BAHCC1: variants seen among roughly 807,000 people sequenced by gnomAD.
BAHCC1 encodes the protein BAH and coiled-coil domain-containing protein 1.
In BAHCC1, 43 loss-of-function variants were observed where a neutral mutation model predicts 88.2. That is an observed-to-expected ratio of 0.49 (90% CI 0.38 to 0.63). The LOEUF (loss-of-function observed/expected upper bound fraction) is 0.63, where lower values mean the gene tolerates loss of function less well. Ranked by LOEUF, BAHCC1 falls within the 20% of genes least tolerant of loss-of-function variation. BAHCC1 has a pLI of 0.00. For synonymous variants in BAHCC1, 1,510 were observed against 745.5 expected, an observed-to-expected ratio of 2.03 and a Z score of -16.71; for missense variants, 3,023 against 1,654.8, an observed-to-expected ratio of 1.83 and a Z score of -14.34.
chr17:81,424,417 C>T (rs1484896881), intron 2 of BAHCC1, among the ~76,000 whole-genome samples: 1 of 152,220 alleles, frequency 6.6e-6, no homozygotes, highest in Non-Finnish European at 1.5e-5. Context: ...TCAGGGTGCT[C>T]TCCCTGTGAA....
At chr17:81,432,895 TCCCCAGGCCCACCCTTCCCCCC>T (rs2064284369) in intron 3 of BAHCC1, among the ~76,000 whole-genome samples, 1 of 9,304 alleles carries the variant, frequency 1.1e-4, no homozygotes, top group African/African-American at 8.1e-4. Flanking sequence ...TCCCCCCCCA[TCCCCAGGCCCACCCTTCCCCCC>T]ATCCCCAGGA....
chr17:81,420,025 T>A (rs1424912375), intron 2 of BAHCC1, among the ~76,000 whole-genome samples: 23 of 152,004 alleles, frequency 1.5e-4, no homozygotes, highest in Non-Finnish European at 1.5e-5. Flanking sequence ...CACCTGGCCA[T>A]CCGATTGCCC....
At chr17:81,405,374 C>G (rs192389194) in intron 2 of BAHCC1, among the ~76,000 whole-genome samples, 3 of 152,270 alleles carry the variant, frequency 2.0e-5, no homozygotes, top group Non-Finnish European at 2.9e-5. Context: ...CCTCTGGTGT[C>G]TTTTGAGGCA....
intron 1 of BAHCC1, chr17:81,396,138 C>T (rs1422833975): frequency 1.3e-5 from 2 of 152,288 alleles, no homozygotes; most frequent in African/African-American, 4.8e-5. Context: ...CTGGGTTGGC[C>T]CTGCCCGGTC....
At chr17:81,452,553 G>T (rs1191744680) in intron 13 of BAHCC1, among the ~76,000 whole-genome samples, 170 bp from the exon 14 acceptor site, 1 of 152,050 alleles carries the variant, frequency 6.6e-6, no homozygotes, top group Non-Finnish European at 1.5e-5. Context: ...GGCGGCGGGG[G>T]CCCCTGGCTG....
chr17:81,418,414 C>G (rs1032777232), intron 2 of BAHCC1, among the ~76,000 whole-genome samples: 3 of 152,152 alleles, frequency 2.0e-5, no homozygotes, highest in African/African-American at 4.8e-5. Context: ...CCCCAGGAGA[C>G]GCAGCTCAGA....
rs944741353 is a variant in BAHCC1 at position 81,443,532 on chromosome 17, C to T, written c.2183C>T (p.Ala728Val). 5.1e-5 allele frequency: 34 copies of T among 662,516 alleles called. No homozygotes were observed. The highest frequency in any genetic ancestry group is 7.7e-5 in the Non-Finnish European group (28 of 361,528). 41.0% of individuals were successfully genotyped at this position (662,516 alleles called of 1,614,324 possible). ...RSEAAYGTNT[A>V]RQGRAAPAFK... ...GAGGCAGCCTACGGCACCAACACTG[C>T]GCGGCAGGGCCGGGCCGCCCCCGCC... Residue 728 changes from alanine (A) to valine (V), a missense_variant, in exon 5 of 28, where the codon GCG (alanine) becomes GTG (valine). By Grantham distance (64) the Ala-to-Val change is moderately conservative. Coordinates refer to ENST00000675386, the MANE Select transcript of BAHCC1 (RefSeq NM_001377448.1).
At chr17:81,408,099 C>G (rs2063903600) in intron 2 of BAHCC1, among the ~76,000 whole-genome samples, 1 of 152,230 alleles carries the variant, frequency 6.6e-6, no homozygotes, top group South Asian at 2.1e-4. Context: ...TCCTGCTGCC[C>G]CTGTGTGGCT....
chr17:81,420,465 C>T (rs1287140808), intron 2 of BAHCC1, among the ~76,000 whole-genome samples: 1 of 152,260 alleles, frequency 6.6e-6, no homozygotes, highest in Non-Finnish European at 1.5e-5. Flanking sequence ...CACAGCCTGC[C>T]TCCTGGTCTA....
intron 2 of BAHCC1, among the ~76,000 whole-genome samples, chr17:81,415,889 T>G (rs1371035360): frequency 1.3e-5 from 2 of 152,244 alleles, no homozygotes; most frequent in Non-Finnish European, 2.9e-5. Context: ...CGGCCCAGGA[T>G]GGCTGTGGGC....
chr17:81,454,710 G>A (rs914852203), intron 14 of BAHCC1, among the ~76,000 whole-genome samples: 15 of 152,312 alleles, frequency 9.8e-5, no homozygotes, highest in African/African-American at 3.1e-4. Context: ...GCCAAGGGCC[G>A]GGCCCGGCCT....
intron 10 of BAHCC1, among the ~76,000 whole-genome samples, chr17:81,446,527 T>TCACACC (rs2064531418): frequency 4.4e-5 from 1 of 22,916 alleles, no homozygotes; most frequent in Admixed American, 5.5e-4. Flanking sequence ...TGCTCACACC[T>TCACACC]TTTTTTTTTT....
At chr17:81,420,833 G>T (rs2143353353) in intron 2 of BAHCC1, among the ~76,000 whole-genome samples, 1 of 152,388 alleles carries the variant, frequency 6.6e-6, no homozygotes, top group South Asian at 2.1e-4. Context: ...GCTGCCTCCT[G>T]TGATGAGAGC....
chr17:81,415,777 C>G (rs2064012764), intron 2 of BAHCC1, among the ~76,000 whole-genome samples: 1 of 152,242 alleles, frequency 6.6e-6, no homozygotes, highest in Admixed American at 6.5e-5. Flanking sequence ...TGACCTACCC[C>G]CCAGCCCTGC....
chr17:81,409,253 G>A (rs782031004), intron 2 of BAHCC1, among the ~76,000 whole-genome samples: 1 of 152,224 alleles, frequency 6.6e-6, no homozygotes, highest in African/African-American at 2.4e-5. Context: ...GGCTGTGTGC[G>A]CTACACCTTA....
In BAHCC1 at chr17:81,447,213, T is replaced by C. The variant is rs782204158; in HGVS notation, c.3341T>C (p.Leu1114Pro). 2.7e-6 allele frequency: 2 copies of C among 753,274 alleles called. No individual in the cohort carries two copies. Among genetic ancestry groups the C allele is most frequent in the South Asian group, 2.8e-5 (2 of 70,358 alleles). The allele number at this position is 753,274 out of a possible 1,614,324, so 46.7% of individuals were successfully genotyped here. A position where few individuals can be genotyped will look rare whatever the true frequency, so the allele number is the denominator to read the frequency against. ...CCGCCTCCCTGCAGCCCCAGGAGCC[T>C]GGAGGAGCCCGGGCTGCTCTCAGGG... ...GEPPPCSPRS[L>P]EEPGLLSGAR... The change falls in exon 11 of 28, where the codon CTG becomes CCG. Residue 1114 changes from leucine to proline, a missense_variant. Physicochemically the swap from Leu to Pro is moderately conservative, Grantham distance 98. Transcript: ENST00000675386.
At chr17:81,439,123 C>CAGGAATCGGAA in intron 4 of BAHCC1, among the ~76,000 whole-genome samples, 1 of 152,304 alleles carries the variant, frequency 6.6e-6, no homozygotes, top group Non-Finnish European at 1.5e-5. Flanking sequence ...CCAGCAGAGC[C>CAGGAATCGGAA]GAGTCCTGGT....
intron 2 of BAHCC1, among the ~76,000 whole-genome samples, chr17:81,406,189 G>A (rs1384460013): frequency 3.3e-5 from 5 of 152,214 alleles, no homozygotes; most frequent in African/African-American, 9.6e-5. Flanking sequence ...AGGGAGGCAG[G>A]CTCGTCCTGG....
At chr17:81,421,703 G>A (rs1314130767) in intron 2 of BAHCC1, among the ~76,000 whole-genome samples, 1 of 152,230 alleles carries the variant, frequency 6.6e-6, no homozygotes, top group Non-Finnish European at 1.5e-5. Flanking sequence ...GCCGGGCAGA[G>A]GCTCTTCCCC....
Sources: allele counts gnomAD v4.1 joint callset (sites outside exome capture counted in the v4.1 genomes callset), GRCh38; gene constraint gnomAD v4.1.1; transcripts MANE v1.5; gene names NCBI Gene and HGNC (gene_info 2026-07-23, HGNC 2026-07-21).